Variants in TAF2 observed in about 807,000 individuals in gnomAD.
TAF2 encodes transcription initiation factor TFIID subunit 2.
In TAF2, 61 loss-of-function variants were observed where a neutral mutation model predicts 138.5. The ratio of observed to expected loss-of-function variants is 0.44; its 90% CI spans 0.36 to 0.54. The LOEUF (loss-of-function observed/expected upper bound fraction) is 0.54, where lower values mean the gene tolerates loss of function less well. Ranked by LOEUF, TAF2 falls within the 20% of genes least tolerant of loss-of-function variation. The probability of loss-of-function intolerance (pLI) is 0.00; values close to 1 mark genes in which losing one functional copy is unlikely to be tolerated. For synonymous variants in TAF2, 475 were observed against 469.9 expected, an observed-to-expected ratio of 1.01 and a Z score of -0.14; for missense variants, 1,090 against 1,427.9, an observed-to-expected ratio of 0.76 and a Z score of 3.81.
At chr8:119,805,462 T>C (rs1224421417) in intron 4 of TAF2, among the ~76,000 whole-genome samples, 2 of 152,168 alleles carry the variant, frequency 1.3e-5, no homozygotes, top group Non-Finnish European at 2.9e-5. Flanking sequence ...TCCCAGCACT[T>C]TGGGAGGCCA....
Position 119,796,990 on chromosome 8 carries a change from C to G in TAF2, c.1091G>C (p.Trp364Ser). ...FFGCFISRMS[W>S]SDEWVLKGIS... ...TAGTATGAACTTTCAGGTCACTCAC[C>G]AAGACATTCTAGATATGAAACAACC... The change falls in exon 8 of 26, where the codon TGG (tryptophan) becomes TCG (serine). Residue 364 changes from tryptophan to serine, a missense_variant and splice_region_variant. Physicochemically the swap from Trp to Ser is radical, Grantham distance 177. Transcript: ENST00000378164. 1 of 1,606,728 alleles carries G rather than the reference C, an allele frequency of 6.2e-7. No individual in the cohort carries two copies. Among genetic ancestry groups the G allele is most frequent in the South Asian group, 1.1e-5 (1 of 90,916 alleles).
intron 18 of TAF2, among the ~76,000 whole-genome samples, chr8:119,765,046 T>A (rs2136374): frequency 0.27 from 41,329 of 152,154 alleles, 6,876 homozygotes; most frequent in Admixed American, 0.46. Context: ...GAAATTTAAA[T>A]CTAATTTATC....
At chr8:119,808,951 T>C (rs974703039) in intron 3 of TAF2, among the ~76,000 whole-genome samples, 9 of 152,338 alleles carry the variant, frequency 5.9e-5, no homozygotes, top group East Asian at 1.9e-4. Flanking sequence ...CATAGGATTT[T>C]TGGAATGGTA....
intron 23 of TAF2, among the ~76,000 whole-genome samples, chr8:119,745,316 A>G (rs976175361): frequency 9.8e-5 from 14 of 142,950 alleles, no homozygotes; most frequent in African/African-American, 3.2e-4. Flanking sequence ...ATAAATTAAC[A>G]TATATGAGCA....
At chr8:119,831,881 C>G in intron 1 of TAF2, 150 bp from the exon 2 acceptor site, 1 of 529,840 alleles carries the variant, frequency 1.9e-6, no homozygotes, top group Non-Finnish European at 3.0e-6. Context: ...CGAATTGGGG[C>G]CTGGTGCGGT....
At chr8:119,826,932 C>T (rs939501289) in intron 2 of TAF2, among the ~76,000 whole-genome samples, 2 of 152,102 alleles carry the variant, frequency 1.3e-5, no homozygotes, top group Non-Finnish European at 2.9e-5. Flanking sequence ...GTGGCTCACA[C>T]CTGTAATCCT....
In TAF2 at chr8:119,795,703, G is replaced by A. The variant is rs773269334; in HGVS notation, c.1092-72C>T. ...CTCAGATAATGTCAAAGAGGATAAC[G>A]GAATAAGTGTAGTGTGTATTTCCCT... On this transcript the variant is annotated intron_variant, in intron 8 of 25. Transcript: ENST00000378164. The A allele has an allele frequency of 5.3e-6, 7 of 1,321,202 alleles. No homozygotes were observed. In the East Asian group the frequency reaches 7.1e-5, roughly 13 times the overall value. 81.8% of individuals were successfully genotyped at this position (1,321,202 alleles called of 1,614,324 possible).
chr8:119,819,143 A>T (rs1277735959), intron 3 of TAF2, among the ~76,000 whole-genome samples: 1 of 152,158 alleles, frequency 6.6e-6, no homozygotes, highest in Non-Finnish European at 1.5e-5. Context: ...TTTAACATGA[A>T]GAAGGGAAAC....
chr8:119,746,003 T>C (rs1819940586), intron 23 of TAF2, among the ~76,000 whole-genome samples: 1 of 152,146 alleles, frequency 6.6e-6, no homozygotes, highest in Non-Finnish European at 1.5e-5. Context: ...AGCAACAATT[T>C]TAAAAAGACA....
intron 9 of TAF2, among the ~76,000 whole-genome samples, chr8:119,794,020 T>C (rs1429884721): frequency 6.6e-6 from 1 of 151,992 alleles, no homozygotes; most frequent in East Asian, 1.9e-4. Context: ...CTTGACTTCC[T>C]GGGCTTAGGT....
intron 16 of TAF2, 127 bp downstream of exon 16, chr8:119,783,254 C>T (rs2131141615): frequency 8.6e-7 from 1 of 1,165,760 alleles, no homozygotes; most frequent in Admixed American, 2.6e-5. Flanking sequence ...TTTAAAAGCA[C>T]TTTGGCAAAA....
chr8:119,807,456 G>C (rs1319437261), intron 3 of TAF2, among the ~76,000 whole-genome samples: 2 of 152,052 alleles, frequency 1.3e-5, no homozygotes, highest in African/African-American at 2.4e-5. Flanking sequence ...CGAAAGAAAT[G>C]AAAGACAGGA....
Position 119,798,052 on chromosome 8 carries a change from C to T in TAF2, c.793-206G>A, listed in dbSNP as rs1035891816. On this transcript the variant is annotated intron_variant, in intron 6 of 25. Coordinates refer to ENST00000378164, the MANE Select transcript of TAF2 (RefSeq NM_003184.4). ...ATTAACTACTTAAAAATTAAATTCA[C>T]GGTGGATTATAAGTCTGTGGAATGC... Among the ~76,000 whole-genome samples the T allele has an allele frequency of 2.3e-4, 35 of 151,966 alleles. 1 individual carries two copies. The highest frequency in any genetic ancestry group is 7.2e-4 in the African/African-American group (30 of 41,392).
intron 23 of TAF2, chr8:119,744,934 C>A (rs1819853112): frequency 4.4e-6 from 2 of 455,978 alleles, no homozygotes; most frequent in African/African-American, 2.0e-5. Context: ...AGTATTTGAC[C>A]AGGTTCTAGT....
chr8:119,821,562 A>G (rs1825809219), intron 2 of TAF2, among the ~76,000 whole-genome samples: 1 of 152,158 alleles, frequency 6.6e-6, no homozygotes, highest in Non-Finnish European at 1.5e-5. Flanking sequence ...TATTTACTGT[A>G]CACTACAAGG....
intron 18 of TAF2, among the ~76,000 whole-genome samples, chr8:119,770,405 A>T (rs1013646511): frequency 2.6e-5 from 4 of 152,214 alleles, no homozygotes; most frequent in African/African-American, 9.6e-5. Flanking sequence ...TTCTCAGCAG[A>T]AACCTTACAA....
At position 119,762,515 on chromosome 8, in the gene TAF2, C is replaced by T. The variant is rs117420905; in HGVS notation, c.2458G>A (p.Asp820Asn). 5.1e-4 allele frequency: 829 copies of T among 1,613,880 alleles called. 3 individuals are homozygous for T. Among genetic ancestry groups the T allele is most frequent in the South Asian group, 6.7e-4 (61 of 91,056 alleles). ...VSVNNEVRTLDNLNPDVRLIL... is the reference protein window; with the variant it reads ...VSVNNEVRTLNNLNPDVRLIL... ...AGTCGCACATCAGGATTTAAGTTAT[C>T]CAAAGTTCTAACTTCATTATTCACA... The change falls in exon 19 of 26, where the codon GAT becomes AAT. Residue 820 changes from aspartate to asparagine, a missense_variant. Asp to Asn is a conservative substitution (Grantham distance 23, BLOSUM62 1). Transcript: ENST00000378164.
At chr8:119,810,537 A>T (rs1003163445) in intron 3 of TAF2, among the ~76,000 whole-genome samples, 16 of 152,346 alleles carry the variant, frequency 1.1e-4, no homozygotes, top group Middle Eastern at 3.4e-3. Flanking sequence ...CATATGGTAA[A>T]CACATTTAAC....
At chr8:119,799,425 C>T (rs1037974618) in intron 6 of TAF2, among the ~76,000 whole-genome samples, 6 of 151,572 alleles carry the variant, frequency 4.0e-5, no homozygotes, top group African/African-American at 9.7e-5. Flanking sequence ...TTTGTCCTTG[C>T]GAGTTTGCTG....
Sources: allele counts gnomAD v4.1 joint callset (sites outside exome capture counted in the v4.1 genomes callset), GRCh38; gene constraint gnomAD v4.1.1; transcripts MANE v1.5; gene names NCBI Gene and HGNC (gene_info 2026-07-23, HGNC 2026-07-21).